Variants in FRYL observed in about 807,000 individuals in gnomAD.
The protein encoded by FRYL is protein furry homolog-like.
A neutral mutation model predicts 351.2 loss-of-function variants in FRYL; 150 were observed. The observed-to-expected ratio is 0.43, with a 90% CI of 0.37 to 0.49. The LOEUF (loss-of-function observed/expected upper bound fraction) is 0.49, where lower values mean the gene tolerates loss of function less well. Among genes scored for constraint, FRYL ranks in the 20% least tolerant of loss-of-function variants. FRYL has a pLI of 0.00. For synonymous variants in FRYL, 1,153 were observed against 1,257.1 expected (o/e 0.92, Z 1.75); for missense variants, 3,036 against 3,619.3 (o/e 0.84, Z 4.13).
Position 48,497,694 on chromosome 4 carries a change from C to T in FRYL, c.*1728G>A, listed in dbSNP as rs1577780245. Reference sequence around the variant, plus strand: ...CCATCCCTCTCTGCCTGCCCCACACCCAAAAGTTTTAAATAATTTAAAGGA... The same window carrying T: ...CCATCCCTCTCTGCCTGCCCCACACTCAAAAGTTTTAAATAATTTAAAGGA... On this transcript the variant is annotated 3_prime_UTR_variant, in exon 64 of 64. Transcript: ENST00000358350. The T allele has an allele frequency of 6.6e-6, 1 of 152,546 alleles. No homozygotes were observed. The highest frequency in any genetic ancestry group is 2.1e-4 in the South Asian group (1 of 4,808). 9.4% of individuals were successfully genotyped at this position (152,546 alleles called of 1,614,324 possible).
At chr4:48,733,461 T>C (rs1450929023) in intron 1 of FRYL, among the ~76,000 whole-genome samples, 1 of 151,142 alleles carries the variant, frequency 6.6e-6, no homozygotes, top group Non-Finnish European at 1.5e-5. Context: ...AAAATAAAAA[T>C]AAAAAAAGGA....
At position 48,698,019 on chromosome 4, in the gene FRYL, CT is replaced by C. The variant is rs1404491038; in HGVS notation, c.-204+12499del. The stretch of plus-strand genomic sequence containing the variant: ...AACATTTACTGGGGATCAACCTAAG[CT>C]CCAGGAATCTATACTCAGTGGCACT... On this transcript the variant is annotated intron_variant, in intron 2 of 63. Coordinates refer to ENST00000358350, the MANE Select transcript of FRYL (RefSeq NM_015030.2). 3.3e-5 allele frequency among the ~76,000 whole-genome samples: 5 copies of C among 152,296 alleles called. No homozygotes were observed. In the East Asian group the frequency reaches 9.6e-4, roughly 29 times the overall value.
chr4:48,509,801 T>C (rs940117485), intron 59 of FRYL, among the ~76,000 whole-genome samples: 21 of 152,204 alleles, frequency 1.4e-4, no homozygotes, highest in Non-Finnish European at 2.8e-4. Flanking sequence ...ACTTGGAATG[T>C]TGACAGCAGT....
At chr4:48,624,492 TG>T (rs1344032902) in intron 4 of FRYL, among the ~76,000 whole-genome samples, 1 of 152,154 alleles carries the variant, frequency 6.6e-6, no homozygotes, top group Non-Finnish European at 1.5e-5. Flanking sequence ...TCTAGATCAC[TG>T]TCTAAAATTA....
chr4:48,540,259 C>CA (rs1729874860), intron 46 of FRYL, 94 bp downstream of exon 46: 1 of 1,411,284 alleles, frequency 7.1e-7, no homozygotes, highest in Admixed American at 2.7e-5. Flanking sequence ...TGACTATTTG[C>CA]AAAAAGCAGA....
rs1373763721 is a variant in FRYL, at chr4:48,714,963, T to A, written c.-383-4265A>T. Among the ~76,000 whole-genome samples the A allele has an allele frequency of 2.0e-5, 3 of 151,788 alleles. No homozygotes were observed. In the East Asian group the frequency reaches 5.8e-4, roughly 29 times the overall value. ...TTCATCCCTGGGATGCAAGGCTGGT[T>A]CAATATATGCAAATCAATAAATGTA... On this transcript the variant is annotated intron_variant, in intron 1 of 63. Coordinates refer to ENST00000358350, the MANE Select transcript of FRYL (RefSeq NM_015030.2).
chr4:48,731,692 C>T (rs1770744140), intron 1 of FRYL, among the ~76,000 whole-genome samples: 1 of 152,122 alleles, frequency 6.6e-6, no homozygotes, highest in Non-Finnish European at 1.5e-5. Context: ...GAAAAGATTC[C>T]CTATTTAATA....
intron 3 of FRYL, among the ~76,000 whole-genome samples, chr4:48,656,064 C>T: frequency 7.5e-6 from 1 of 133,714 alleles, no homozygotes; most frequent in South Asian, 2.4e-4. Flanking sequence ...TATAATTATA[C>T]ATTATATAAT....
At chr4:48,687,974 C>T (rs1051692798) in intron 2 of FRYL, among the ~76,000 whole-genome samples, 1 of 152,122 alleles carries the variant, frequency 6.6e-6, no homozygotes, top group African/African-American at 2.4e-5. Flanking sequence ...GGAATGTTAA[C>T]ATTCTTACAG....
At chr4:48,501,923 C>T (rs1257182473) in intron 61 of FRYL, among the ~76,000 whole-genome samples, 190 bp from the exon 62 acceptor site, 1 of 152,146 alleles carries the variant, frequency 6.6e-6, no homozygotes, top group African/African-American at 2.4e-5. Flanking sequence ...ACAAATATCA[C>T]TGCTGGTTAC....
At chr4:48,533,470 G>A (rs533343521) in intron 49 of FRYL, among the ~76,000 whole-genome samples, 114 of 152,184 alleles carry the variant, frequency 7.5e-4, no homozygotes, top group Admixed American at 1.6e-3. Context: ...CTGAATCACT[G>A]AAAACATTTT....
Position 48,510,872 on chromosome 4 carries a change from C to T in FRYL, c.8258G>A (p.Cys2753Tyr). 1 of 1,613,300 alleles carries T rather than the reference C, an allele frequency of 6.2e-7. No homozygotes were observed. Among genetic ancestry groups the T allele is most frequent in the Non-Finnish European group, 8.5e-7 (1 of 1,179,548 alleles). Residue 2753 changes from cysteine to tyrosine, a missense_variant, in exon 58 of 64, where the codon TGT becomes TAT. Cys to Tyr is a radical substitution (Grantham distance 194). This residue lies in a region of FRYL where 1,987 missense variants were observed against 2,311.7 expected (regional missense o/e 0.86). Transcript: ENST00000358350. ...FKSSLEVMML[C>Y]SECPTVFVDA... ...CACAAAGACTGTTGGGCATTCTGAA[C>T]ACAGCATCATCACTTCCAAGGAACT...
chr4:48,554,428 T>C (rs1185435559), intron 35 of FRYL, among the ~76,000 whole-genome samples: 1 of 151,684 alleles, frequency 6.6e-6, no homozygotes, highest in Non-Finnish European at 1.5e-5. Flanking sequence ...CACCTCTGCC[T>C]CCCCGGTTCA....
At chr4:48,746,588 G>C (rs1290964626) in intron 1 of FRYL, among the ~76,000 whole-genome samples, 1 of 151,578 alleles carries the variant, frequency 6.6e-6, no homozygotes, top group African/African-American at 2.4e-5. Flanking sequence ...CAAAAAACAG[G>C]TCTGCAAATT....
chr4:48,726,124 T>C (rs896900079), intron 1 of FRYL, among the ~76,000 whole-genome samples: 3 of 152,320 alleles, frequency 2.0e-5, no homozygotes, highest in African/African-American at 7.2e-5. Context: ...ATATAAGTTC[T>C]TTTTGTGGGG....
chr4:48,589,460 C>G (rs1289516955), intron 18 of FRYL, among the ~76,000 whole-genome samples: 2 of 151,672 alleles, frequency 1.3e-5, no homozygotes, highest in Non-Finnish European at 2.9e-5. Flanking sequence ...CCACATACAT[C>G]CGGGGTACCT....
chr4:48,673,464 T>C (rs1292948952), intron 3 of FRYL, among the ~76,000 whole-genome samples: 1 of 152,174 alleles, frequency 6.6e-6, no homozygotes, highest in Non-Finnish European at 1.5e-5. Flanking sequence ...CATTGGATAC[T>C]GCAGCCTGGA....
At position 48,713,767 on chromosome 4, in the gene FRYL, A is replaced by G. The variant is rs541187165; in HGVS notation, c.-383-3069T>C. 4.6e-5 allele frequency among the ~76,000 whole-genome samples: 7 copies of G among 152,332 alleles called. No homozygotes were observed. In the East Asian group the frequency reaches 1.2e-3, roughly 25 times the overall value. On this transcript the variant is annotated intron_variant, in intron 1 of 63. Transcript: ENST00000358350. The stretch of plus-strand genomic sequence containing the variant: ...AATTGAACTCAGCTCTACACCAAGC[A>G]GACCTAATAGACATCGACAGAACTC...
rs1728761127 is a variant in FRYL at position 48,535,832 on chromosome 4, A to G, written c.6394-5T>C. 1 of 1,496,264 alleles carries G rather than the reference A, an allele frequency of 6.7e-7. No homozygotes were observed. The highest frequency in any genetic ancestry group is 1.4e-5 in the South Asian group (1 of 71,764). 92.7% of individuals were successfully genotyped at this position (1,496,264 alleles called of 1,614,324 possible). On this transcript the variant is annotated splice_region_variant and splice_polypyrimidine_tract_variant and intron_variant, in intron 47 of 63. Coordinates refer to ENST00000358350, the MANE Select transcript of FRYL (RefSeq NM_015030.2). The stretch of plus-strand genomic sequence containing the variant: ...GCATTTTTCTTCTGCACAAACCTAG[A>G]AAACAAATAAAATTATTTCATTCAC...
Sources: allele counts gnomAD v4.1 joint callset (sites outside exome capture counted in the v4.1 genomes callset), GRCh38; gene constraint gnomAD v4.1.1; regional missense constraint gnomAD v4.1.1; transcripts MANE v1.5; gene names NCBI Gene and HGNC (gene_info 2026-07-23, HGNC 2026-07-21).